The following LRRIQ1 variants were observed in gnomAD, a reference collection of about 807,000 sequenced individuals.
The protein encoded by LRRIQ1 is leucine-rich repeat- and IQ domain-containing protein 1.
Under a neutral mutation model 211.9 loss-of-function variants are expected in LRRIQ1, and 210 were observed. That is an observed-to-expected ratio of 0.99 (90% confidence interval 0.89 to 1.11). LRRIQ1 has a LOEUF of 1.11. Among genes scored for constraint, LRRIQ1 ranks in the 50% most tolerant of loss-of-function variants. LRRIQ1 has a pLI of 0.00. For missense variants in LRRIQ1, 2,136 were observed against 1,939.5 expected (o/e 1.10, Z -1.90); for synonymous variants, 699 against 650.1 (o/e 1.08, Z -1.14).
intron 19 of LRRIQ1, among the ~76,000 whole-genome samples, chr12:85,144,774 G>GT (rs1253703235): frequency 5.9e-5 from 9 of 151,614 alleles, no homozygotes; most frequent in Admixed American, 2.0e-4. Flanking sequence ...TGGGTTTCAA[G>GT]TAAGGGAGTT....
chr12:85,121,992 T>A (rs1279592726), intron 16 of LRRIQ1, 116 bp downstream of exon 16: 1 of 805,906 alleles, frequency 1.2e-6, no homozygotes, highest in Admixed American at 4.1e-5. Context: ...ACAGTGTGTT[T>A]TGGGGATATT....
At chr12:85,221,050 G>T (rs139652286) in intron 24 of LRRIQ1, among the ~76,000 whole-genome samples, 4 of 151,890 alleles carry the variant, frequency 2.6e-5, no homozygotes. Context: ...GACCTCAGGT[G>T]ATCTGCCCCC....
At chr12:85,068,812 T>C (rs1882729737) in intron 10 of LRRIQ1, among the ~76,000 whole-genome samples, 1 of 151,632 alleles carries the variant, frequency 6.6e-6, no homozygotes, top group Non-Finnish European at 1.5e-5. Flanking sequence ...TTCCGTTGAT[T>C]TGTTGCAGAA....
chr12:85,102,957 A>ATATATATATATAT (rs1383729830), intron 13 of LRRIQ1, among the ~76,000 whole-genome samples: 1 of 117,370 alleles, frequency 8.5e-6, no homozygotes, highest in African/African-American at 3.5e-5. Context: ...AAAAAAAAAA[A>ATATATATATATAT]AAATATATAT....
At chr12:85,083,898 T>TC (rs1473177584) in intron 11 of LRRIQ1, among the ~76,000 whole-genome samples, 2 of 152,198 alleles carry the variant, frequency 1.3e-5, no homozygotes, top group Non-Finnish European at 2.9e-5. Flanking sequence ...GCTGTAATTC[T>TC]CTTAACAATA....
chr12:85,266,159 G>T (rs572531113), downstream of LRRIQ1, among the ~76,000 whole-genome samples: 1 of 152,076 alleles, frequency 6.6e-6, no homozygotes, highest in South Asian at 2.1e-4. Context: ...TAAAATACTT[G>T]TTGTAAGAAA....
intron 8 of LRRIQ1, among the ~76,000 whole-genome samples, chr12:85,058,793 A>C (rs1592715409): frequency 1.3e-5 from 2 of 151,980 alleles, no homozygotes; most frequent in Non-Finnish European, 2.9e-5. Flanking sequence ...CTGGTGATCC[A>C]CCCATTCTCC....
intron 24 of LRRIQ1, among the ~76,000 whole-genome samples, chr12:85,193,625 G>C (rs1892720408): frequency 1.3e-5 from 2 of 151,522 alleles, no homozygotes; most frequent in Non-Finnish European, 1.5e-5. Context: ...CAAATGCTGA[G>C]AGATTTTGTC....
chr12:85,170,873 G>T (rs570904924), intron 24 of LRRIQ1, among the ~76,000 whole-genome samples: 2 of 152,128 alleles, frequency 1.3e-5, no homozygotes, highest in Admixed American at 1.3e-4. Context: ...ACTTGCCTAG[G>T]TCAACTGGAA....
At chr12:85,199,164 G>A (rs1893166962) in intron 24 of LRRIQ1, among the ~76,000 whole-genome samples, 1 of 152,066 alleles carries the variant, frequency 6.6e-6, no homozygotes, top group Admixed American at 6.6e-5. Context: ...TGTTTTTGGT[G>A]TCTTTATCAT....
chr12:85,243,158 A>G (rs1895540136), intron 26 of LRRIQ1, among the ~76,000 whole-genome samples: 1 of 149,520 alleles, frequency 6.7e-6, no homozygotes, highest in Admixed American at 6.7e-5. Context: ...TAGCCTCTCC[A>G]AAATTGTGGT....
intron 1 of LRRIQ1, among the ~76,000 whole-genome samples, chr12:85,255,921 G>A (rs182301059): frequency 6.6e-6 from 1 of 151,766 alleles, no homozygotes; most frequent in East Asian, 1.9e-4. Context: ...ATGGTTAGTG[G>A]ACTCATGTAA....
At chr12:85,042,599 G>A (rs1044491772) in intron 3 of LRRIQ1, among the ~76,000 whole-genome samples, 2 of 149,020 alleles carry the variant, frequency 1.3e-5, no homozygotes, top group Non-Finnish European at 1.5e-5. Flanking sequence ...TTTACATTAT[G>A]TATTCATTCT....
Position 85,104,017 on chromosome 12 carries a change from G to A in LRRIQ1, c.3223G>A (p.Val1075Ile), listed in dbSNP as rs146525952. Residue 1075 changes from valine (V) to isoleucine (I), a missense_variant, in exon 14 of 27, where the codon GTA becomes ATA. Coordinates refer to ENST00000393217, the MANE Select transcript of LRRIQ1 (RefSeq NM_001079910.2). ...TISQNSLTKI[V>I]PLFHFVSLEK... is the part of the protein sequence containing the mutation. ...TTTTGTTTTCAGCTTGACTAAAATCGTACCACTTTTTCATTTTGTTTCATT... is the reference window on the plus strand; with the variant it reads ...TTTTGTTTTCAGCTTGACTAAAATCATACCACTTTTTCATTTTGTTTCATT... 7.2e-5 allele frequency: 112 copies of A among 1,564,626 alleles called. No homozygotes were observed. Among genetic ancestry groups the A allele is most frequent in the East Asian group, 9.4e-5 (4 of 42,338 alleles).
intron 14 of LRRIQ1, among the ~76,000 whole-genome samples, chr12:85,104,413 A>G (rs903991862): frequency 2.0e-5 from 3 of 151,920 alleles, no homozygotes; most frequent in Admixed American, 6.6e-5. Flanking sequence ...AATTTATTAA[A>G]GAATCATGAC....
chr12:85,152,895 T>A, intron 20 of LRRIQ1, 129 bp from the exon 21 acceptor site: 1 of 475,960 alleles, frequency 2.1e-6, no homozygotes, highest in East Asian at 4.1e-5. Flanking sequence ...AATTTCATTT[T>A]ATTATAATTT....
intron 11 of LRRIQ1, among the ~76,000 whole-genome samples, chr12:85,078,723 C>T (rs937644432): frequency 9.2e-5 from 14 of 152,080 alleles, no homozygotes; most frequent in South Asian, 4.1e-4. Flanking sequence ...TATAATTAAA[C>T]GAGCTTTATT....
chr12:85,217,973 A>G (rs1004757786), intron 24 of LRRIQ1, among the ~76,000 whole-genome samples: 6 of 151,788 alleles, frequency 4.0e-5, no homozygotes, highest in Admixed American at 3.3e-4. Context: ...GGTTGGATAG[A>G]GGAATATTTT....
intron 24 of LRRIQ1, among the ~76,000 whole-genome samples, chr12:85,170,375 A>G (rs1418241850): frequency 6.6e-6 from 1 of 151,306 alleles, no homozygotes; most frequent in Non-Finnish European, 1.5e-5. Context: ...TCTTAGTACA[A>G]GCATATACAT....
Sources: gnomAD v4.1 joint callset for allele counts (sites outside exome capture counted in the v4.1 genomes callset) on GRCh38, gnomAD v4.1.1 for gene constraint, MANE v1.5 for transcripts, NCBI Gene and HGNC (gene_info 2026-07-23, HGNC 2026-07-21) for gene names.